LTBP1: variants seen among roughly 807,000 people sequenced by gnomAD.
LTBP1 encodes the protein latent-transforming growth factor beta-binding protein 1.
Under a neutral mutation model 207.6 loss-of-function variants are expected in LTBP1, and 129 were observed. The ratio of observed to expected loss-of-function variants is 0.62; its 90% CI spans 0.54 to 0.72. The LOEUF (loss-of-function observed/expected upper bound fraction) is 0.72. Ranked by LOEUF, LTBP1 falls within the 30% of genes least tolerant of loss-of-function variation. LTBP1 has a pLI of 0.00. For synonymous variants in LTBP1, 963 were observed against 833.7 expected, an observed-to-expected ratio of 1.16 and a Z score of -2.67; for missense variants, 2,281 against 2,217.2, an observed-to-expected ratio of 1.03 and a Z score of -0.58.
intron 19 of LTBP1, chr2:33,291,931 G>C (rs116820669): frequency 7.9e-5 from 12 of 152,354 alleles, no homozygotes; most frequent in African/African-American, 2.9e-4. Context: ...AAGTGAAACA[G>C]ATGCTGTCAC....
At chr2:33,007,232 C>T (rs369356677) in intron 2 of LTBP1, among the ~76,000 whole-genome samples, 9 of 152,088 alleles carry the variant, frequency 5.9e-5, no homozygotes, top group East Asian at 1.9e-4. Flanking sequence ...CCGCCCGCCT[C>T]GGCTTCTCAA....
intron 2 of LTBP1, among the ~76,000 whole-genome samples, chr2:32,975,589 T>TTG (rs1681611502): frequency 2.6e-5 from 1 of 38,634 alleles, no homozygotes; most frequent in African/African-American, 6.7e-5. Context: ...CTTTGTTTTT[T>TTG]TTTTTTTTTT....
At chr2:33,174,330 A>G (rs2085790500) in intron 5 of LTBP1, among the ~76,000 whole-genome samples, 1 of 151,620 alleles carries the variant, frequency 6.6e-6, no homozygotes. Flanking sequence ...AAATCAGTGT[A>G]CAAAAATCAC....
At chr2:33,110,079 T>C (rs976131929) in intron 3 of LTBP1, among the ~76,000 whole-genome samples, 1 of 152,198 alleles carries the variant, frequency 6.6e-6, no homozygotes, top group Non-Finnish European at 1.5e-5. Context: ...CCTGTCTGTG[T>C]AAACATCTTT....
At chr2:33,202,454 G>T (rs529845849) in intron 7 of LTBP1, among the ~76,000 whole-genome samples, 3 of 152,266 alleles carry the variant, frequency 2.0e-5, no homozygotes, top group East Asian at 3.9e-4. Context: ...TCAGAAACCT[G>T]CTCTTGAATT....
chr2:33,151,733 G>A (rs140504205), intron 5 of LTBP1, among the ~76,000 whole-genome samples: 134 of 151,946 alleles, frequency 8.8e-4, no homozygotes, highest in African/African-American at 2.9e-3. Flanking sequence ...CCATTCCTGC[G>A]TCACTTCACA....
intron 5 of LTBP1, among the ~76,000 whole-genome samples, chr2:33,163,101 C>T (rs1268245756): frequency 2.6e-5 from 4 of 152,202 alleles, no homozygotes; most frequent in African/African-American, 9.7e-5. Flanking sequence ...CCCACGTCAG[C>T]CTCCCAGGTG....
chr2:33,242,207 T>C (rs1411764133), intron 9 of LTBP1, among the ~76,000 whole-genome samples: 6 of 152,178 alleles, frequency 3.9e-5, no homozygotes. Flanking sequence ...TAAATAGTGA[T>C]TGAGGGCTGT....
intron 9 of LTBP1, among the ~76,000 whole-genome samples, chr2:33,231,450 T>C (rs1477694835): frequency 6.6e-6 from 1 of 152,200 alleles, no homozygotes; most frequent in Non-Finnish European, 1.5e-5. Context: ...GGCATATCTG[T>C]TATTAAATGA....
At chr2:33,230,006 A>C (rs898054384) in intron 9 of LTBP1, among the ~76,000 whole-genome samples, 1 of 152,046 alleles carries the variant, frequency 6.6e-6, no homozygotes, top group African/African-American at 2.4e-5. Flanking sequence ...GCTTAATTTC[A>C]CTCCCTTTGT....
intron 2 of LTBP1, among the ~76,000 whole-genome samples, chr2:32,991,618 G>A (rs537218320): frequency 2.0e-5 from 3 of 152,254 alleles, no homozygotes; most frequent in Non-Finnish European, 4.4e-5. Context: ...GTAAAGTTTC[G>A]GTCAACTGTT....
intron 24 of LTBP1, among the ~76,000 whole-genome samples, chr2:33,328,120 A>G (rs1056226851): frequency 6.6e-6 from 1 of 150,416 alleles, no homozygotes; most frequent in African/African-American, 2.5e-5. Context: ...GGACAACAAG[A>G]GTGAGACTCT....
At chr2:33,065,097 T>C (rs2077443273) in intron 3 of LTBP1, among the ~76,000 whole-genome samples, 1 of 152,142 alleles carries the variant, frequency 6.6e-6, no homozygotes, top group African/African-American at 2.4e-5. Context: ...ATTTGCTGAG[T>C]GTTTCCTTTT....
intron 24 of LTBP1, among the ~76,000 whole-genome samples, chr2:33,322,178 T>G (rs533707722): frequency 1.3e-5 from 2 of 151,988 alleles, no homozygotes; most frequent in South Asian, 2.1e-4. Flanking sequence ...ACCCCAGAGC[T>G]ATGGAAATCA....
chr2:33,239,260 C>G (rs1260087582), intron 9 of LTBP1, among the ~76,000 whole-genome samples: 1 of 152,150 alleles, frequency 6.6e-6, no homozygotes, highest in Non-Finnish European at 1.5e-5. Context: ...CACATGGGTC[C>G]GTATGAATTT....
chr2:33,380,075 C>T (rs1028420756), intron 31 of LTBP1, among the ~76,000 whole-genome samples: 8 of 152,206 alleles, frequency 5.3e-5, no homozygotes, highest in Admixed American at 2.6e-4. Flanking sequence ...CTGTAAACTT[C>T]AGTTTCCTCA....
chr2:33,063,174 G>A (rs2077350180), intron 3 of LTBP1: 1 of 151,922 alleles, frequency 6.6e-6, no homozygotes, highest in Non-Finnish European at 1.5e-5. Flanking sequence ...GACATTTGTA[G>A]GCTCTTCATA....
At chr2:33,027,770 G>A (rs940413321) in intron 3 of LTBP1, among the ~76,000 whole-genome samples, 2 of 152,174 alleles carry the variant, frequency 1.3e-5, no homozygotes, top group African/African-American at 2.4e-5. Context: ...CCGGGAGGTG[G>A]AGGTTGCAGT....
chr2:33,345,700 T>C (rs1013744517), intron 25 of LTBP1, among the ~76,000 whole-genome samples: 3 of 152,224 alleles, frequency 2.0e-5, no homozygotes, highest in Non-Finnish European at 4.4e-5. Flanking sequence ...TAAGTCAAGA[T>C]GTATAAGCTT....
Sources: allele counts gnomAD v4.1 joint callset (sites outside exome capture counted in the v4.1 genomes callset), GRCh38; gene constraint gnomAD v4.1.1; transcripts MANE v1.5; gene names NCBI Gene and HGNC (gene_info 2026-07-23, HGNC 2026-07-21).